PRKACA: variants seen among roughly 807,000 people sequenced by gnomAD.
PRKACA encodes the protein cAMP-dependent protein kinase catalytic subunit alpha.
Under a neutral mutation model 45.8 loss-of-function variants are expected in PRKACA, and 9 were observed. The ratio of observed to expected loss-of-function variants is 0.20; its 90% CI spans 0.12 to 0.34. The LOEUF (loss-of-function observed/expected upper bound fraction) is 0.34, where lower values mean the gene tolerates loss of function less well. Ranked by LOEUF, PRKACA falls within the 10% of genes least tolerant of loss-of-function variation. The probability of loss-of-function intolerance (pLI) is 1.00; values close to 1 mark genes in which losing one functional copy is unlikely to be tolerated. For missense variants in PRKACA, 238 were observed against 458.6 expected, an observed-to-expected ratio of 0.52 and a Z score of 4.39; for synonymous variants, 160 against 178.6, an observed-to-expected ratio of 0.90 and a Z score of 0.83.
intron 1 of PRKACA, among the ~76,000 whole-genome samples, chr19:14,111,490 G>A (rs1260821109): frequency 6.6e-6 from 1 of 152,204 alleles, no homozygotes; most frequent in Non-Finnish European, 1.5e-5. Context: ...GAGGGGATAG[G>A]CAATGAATGG....
intron 1 of PRKACA, chr19:14,108,460 T>G (rs1023118708): frequency 6.6e-6 from 1 of 152,382 alleles, no homozygotes; most frequent in African/African-American, 2.4e-5. Flanking sequence ...CAGGCTGGAA[T>G]GCAGTGGCGC....
chr19:14,108,947 C>T (rs1370211936), intron 1 of PRKACA, among the ~76,000 whole-genome samples: 4 of 150,032 alleles, frequency 2.7e-5, no homozygotes, highest in African/African-American at 9.8e-5. Context: ...AGGCTGGTCT[C>T]GAACTCCTGA....
At chr19:14,100,001 C>A (rs1019682102) in intron 5 of PRKACA, among the ~76,000 whole-genome samples, 3 of 151,946 alleles carry the variant, frequency 2.0e-5, no homozygotes, top group African/African-American at 7.2e-5. Flanking sequence ...CCATCACACC[C>A]GGCTAATTTT....
At chr19:14,114,173 A>G (rs1403530324) in intron 1 of PRKACA, 4 of 1,610,078 alleles carry the variant, frequency 2.5e-6, no homozygotes, top group South Asian at 2.2e-5. Flanking sequence ...TCCTGTTCTC[A>G]GGGCACCGGC....
chr19:14,116,963 A>T (rs1474881673), intron 1 of PRKACA, among the ~76,000 whole-genome samples: 2 of 90,554 alleles, frequency 2.2e-5, no homozygotes. Context: ...TGGGTTTGGA[A>T]GGGGGGGCTG....
chr19:14,105,092 G>T (rs1977563781), intron 3 of PRKACA, among the ~76,000 whole-genome samples: 1 of 152,064 alleles, frequency 6.6e-6, no homozygotes, highest in Non-Finnish European at 1.5e-5. Context: ...AGAAAAAAAG[G>T]AAATATTTCC....
chr19:14,106,841 C>T lies in PRKACA; in HGVS notation c.156G>A (p.Thr52=), dbSNP rs745853839. Residue 52 remains threonine, a synonymous_variant, in exon 3 of 10, where the codon ACG becomes ACA. Transcript: ENST00000308677. ...DQFERIKTLG[T]GSFGRVMLVK... ...CCAGCATCACCCGCCCGAAGGAGCC[C>T]GTGCCGAGGGTCTTGATTCGTTCAA... is the stretch of plus-strand genomic sequence containing the variant. The T allele has an allele frequency of 3.2e-5, 52 of 1,614,084 alleles. No individual in the cohort carries two copies. Among genetic ancestry groups the T allele is most frequent in the East Asian group, 3.1e-4 (14 of 44,872 alleles).
Position 14,106,874 on chromosome 19 carries a change from C to G in PRKACA, c.123G>C (p.Leu41Phe). The change falls in exon 3 of 10, where the codon TTG becomes TTC. Residue 41 changes from leucine (L) to phenylalanine (F), a missense_variant. Transcript: ENST00000308677. ...WESPAQNTAH[L>F]DQFERIKTLG... is the part of the protein sequence containing the mutation. ...GGGTCTTGATTCGTTCAAACTGATC[C>G]AAGTGGGCTGTGTTCTGTGGGCAGA... is the stretch of plus-strand genomic sequence containing the variant. The G allele has an allele frequency of 6.2e-7, 1 of 1,614,144 alleles. No individual in the cohort carries two copies. The highest frequency in any genetic ancestry group is 8.5e-7 in the Non-Finnish European group (1 of 1,179,994).
intron 1 of PRKACA, chr19:14,112,359 T>G (rs1599350409): frequency 6.6e-6 from 1 of 152,294 alleles, no homozygotes; most frequent in Non-Finnish European, 1.5e-5. Flanking sequence ...CCCCGGAAGG[T>G]GCGGTGCAGG....
rs1418268801 is a variant in PRKACA, at chr19:14,097,961, G to A, written c.420-71C>T. ...AAATGGTCCAGCAGGTGGCCCTGCAGAGCCTACCCCAGAGGAAGACACCTC... is the reference window on the plus strand; with the variant it reads ...AAATGGTCCAGCAGGTGGCCCTGCAAAGCCTACCCCAGAGGAAGACACCTC... On this transcript the variant is annotated intron_variant, in intron 5 of 9. Transcript: ENST00000308677. The surrounding 1 kb of genome is among the most constrained non-coding windows in gnomAD (Gnocchi z 5.4). 7.5e-6 allele frequency: 12 copies of A among 1,590,054 alleles called. No individual in the cohort carries two copies. The highest frequency in any genetic ancestry group is 1.0e-5 in the Non-Finnish European group (12 of 1,163,678).
In PRKACA at chr19:14,092,397, A is replaced by C. The variant is rs761592242; in HGVS notation, c.*715T>G. 1.8e-4 allele frequency: 61 copies of C among 344,324 alleles called. No homozygotes were observed. The highest frequency in any genetic ancestry group is 7.3e-4 in the Middle Eastern group (1 of 1,364). 21.3% of individuals were successfully genotyped at this position (344,324 alleles called of 1,614,324 possible). On this transcript the variant is annotated 3_prime_UTR_variant, in exon 10 of 10. Coordinates refer to ENST00000308677, the MANE Select transcript of PRKACA (RefSeq NM_002730.4). ...GATTGGCAGAGAGGATTCCCCGGGGAGGGGCCCAGGGGAGATTAGCAGCGG... is the reference window on the plus strand; with the variant it reads ...GATTGGCAGAGAGGATTCCCCGGGGCGGGGCCCAGGGGAGATTAGCAGCGG...
In PRKACA at chr19:14,117,697, G is replaced by C; in HGVS notation, c.-150C>G. ...GCGCCGCGACCCCCGCCCAGCCCCTGCTTCCCGCGTCTCTCCGCGCCCGCC... is the reference window on the plus strand; with the variant it reads ...GCGCCGCGACCCCCGCCCAGCCCCTCCTTCCCGCGTCTCTCCGCGCCCGCC... On this transcript the variant is annotated 5_prime_UTR_variant, in exon 1 of 10. Transcript: ENST00000308677. 3.7e-6 allele frequency: 1 copy of C among 272,164 alleles called. No homozygotes were observed. Among genetic ancestry groups the C allele is most frequent in the Non-Finnish European group, 5.6e-6 (1 of 178,678 alleles). 16.9% of individuals were successfully genotyped at this position (272,164 alleles called of 1,614,324 possible).
At chr19:14,093,309 G>A (rs1977147187) in intron 9 of PRKACA, 72 bp from the exon 10 acceptor site, 3 of 1,553,472 alleles carry the variant, frequency 1.9e-6, no homozygotes, top group Admixed American at 1.9e-5. Context: ...AAATGCGAAT[G>A]GCCTAACATT....
chr19:14,110,877 G>T (rs1267474287), intron 1 of PRKACA, among the ~76,000 whole-genome samples: 4 of 152,220 alleles, frequency 2.6e-5, no homozygotes, highest in African/African-American at 9.6e-5. Flanking sequence ...ATTGGTTTCA[G>T]TGCTGAGTCC....
At chr19:14,104,730 G>C (rs1243304731) in intron 3 of PRKACA, among the ~76,000 whole-genome samples, 1 of 150,562 alleles carries the variant, frequency 6.6e-6, no homozygotes, top group Non-Finnish European at 1.5e-5. Flanking sequence ...AAAATTAGCT[G>C]GGCGTGGTAG....
intron 3 of PRKACA, among the ~76,000 whole-genome samples, chr19:14,105,790 T>C (rs1323107583): frequency 6.6e-6 from 1 of 152,210 alleles, no homozygotes; most frequent in Non-Finnish European, 1.5e-5. Flanking sequence ...ATTGCTTCTG[T>C]GGCTCAGGTT....
chr19:14,104,324 G>A lies in PRKACA; in HGVS notation c.238-1410C>T, dbSNP rs570738899. On this transcript the variant is annotated intron_variant, in intron 3 of 9. Coordinates refer to ENST00000308677, the MANE Select transcript of PRKACA (RefSeq NM_002730.4). ...TGCAGTCCAGCCTGGGTGGCAGAGC[G>A]AGACTCCGTCTCAAAAAAAAAAAAA... is the stretch of plus-strand genomic sequence containing the variant. 8.0e-3 allele frequency among the ~76,000 whole-genome samples: 1,078 copies of A among 135,432 alleles called. 10 individuals carry two copies. The highest frequency in any genetic ancestry group is 0.028 in the African/African-American group (986 of 35,094). The allele number at this position is 135,432 out of a possible 152,430, so 88.8% of individuals were successfully genotyped here. A position where few individuals can be genotyped will look rare whatever the true frequency, so the allele number is the denominator to read the frequency against.
At chr19:14,094,212 A>AT (rs933242932) in intron 8 of PRKACA, among the ~76,000 whole-genome samples, 3 of 137,854 alleles carry the variant, frequency 2.2e-5, no homozygotes, top group Non-Finnish European at 4.7e-5. Flanking sequence ...AAAAAAAAAA[A>AT]TAGCCTCACT....
At chr19:14,107,295 G>T in intron 2 of PRKACA, 53 bp downstream of exon 2, 1 of 1,539,816 alleles carries the variant, frequency 6.5e-7, no homozygotes, top group South Asian at 1.1e-5. Context: ...CACAGCCAGG[G>T]GCTGGGGGTT....
Sources: allele counts gnomAD v4.1 joint callset (sites outside exome capture counted in the v4.1 genomes callset), GRCh38; gene constraint gnomAD v4.1.1; non-coding constraint Gnocchi (gnomAD v3.1); transcripts MANE v1.5; gene names NCBI Gene and HGNC (gene_info 2026-07-23, HGNC 2026-07-21).